MPP7: variants seen among roughly 807,000 people sequenced by gnomAD.
MPP7 encodes the protein MAGUK p55 scaffold protein 7.
A neutral mutation model predicts 76.5 loss-of-function variants in MPP7; 60 were observed. The ratio of observed to expected loss-of-function variants is 0.78; its 90% CI spans 0.64 to 0.97. The LOEUF (loss-of-function observed/expected upper bound fraction) is 0.97, where lower values mean the gene tolerates loss of function less well. Among genes scored for constraint, MPP7 ranks in the 50% least tolerant of loss-of-function variants. MPP7 has a pLI of 0.00. For synonymous variants in MPP7, 237 were observed against 244.5 expected (o/e 0.97, Z 0.29); for missense variants, 641 against 694.0 (o/e 0.92, Z 0.86).
intron 12 of MPP7, among the ~76,000 whole-genome samples, chr10:28,073,938 TAGAGGATCAGGGTTCC>T (rs1852362364): frequency 6.6e-6 from 1 of 152,060 alleles, no homozygotes; most frequent in South Asian, 2.1e-4. Flanking sequence ...CCCCTGATCC[TAGAGGATCAGGGTTCC>T]CACTTTCATG....
intron 11 of MPP7, among the ~76,000 whole-genome samples, chr10:28,105,279 T>C (rs1834288024): frequency 6.6e-6 from 1 of 151,514 alleles, no homozygotes; most frequent in African/African-American, 2.4e-5. Flanking sequence ...AGAAACATAT[T>C]GTCTCATTTT....
At chr10:28,261,917 A>G (rs1376881991) in intron 1 of MPP7, among the ~76,000 whole-genome samples, 1 of 149,056 alleles carries the variant, frequency 6.7e-6, no homozygotes, top group Non-Finnish European at 1.5e-5. Flanking sequence ...TGGGAGGCCG[A>G]GGTGGGTGGA....
Position 28,053,914 on chromosome 10 carries a change from T to G in MPP7, c.*151A>C. 1.5e-6 allele frequency: 1 copy of G among 653,944 alleles called. No individual in the cohort carries two copies. The highest frequency in any genetic ancestry group is 1.9e-5 in the South Asian group (1 of 52,484). 40.5% of individuals were successfully genotyped at this position (653,944 alleles called of 1,614,324 possible). A position where few individuals can be genotyped will look rare whatever the true frequency, so the allele number is the denominator to read the frequency against. Reference sequence around the variant, plus strand: ...TAACACATGGCGTTTGAAATAAGGCTGTAAAAAGATACAAACAAAACCAGC... The same window carrying G: ...TAACACATGGCGTTTGAAATAAGGCGGTAAAAAGATACAAACAAAACCAGC... On this transcript the variant is annotated 3_prime_UTR_variant, in exon 17 of 17. Coordinates refer to ENST00000683449, the MANE Select transcript of MPP7 (RefSeq NM_001318170.2).
intron 3 of MPP7, among the ~76,000 whole-genome samples, chr10:28,201,714 C>T (rs539353841): frequency 6.6e-6 from 1 of 152,124 alleles, no homozygotes; most frequent in African/African-American, 2.4e-5. Context: ...AAAGGAACAG[C>T]TTACTAGAAT....
intron 3 of MPP7, among the ~76,000 whole-genome samples, chr10:28,194,675 A>AAAAG (rs1837522747): frequency 6.6e-6 from 1 of 152,242 alleles, no homozygotes; most frequent in Non-Finnish European, 1.5e-5. Context: ...TGGAAAAGGC[A>AAAAG]AAACTATTCA....
Position 28,054,187 on chromosome 10 carries a change from G to T in MPP7, c.1609C>A (p.His537Asn), listed in dbSNP as rs999351151. 10 of 1,601,762 alleles carry T rather than the reference G, an allele frequency of 6.2e-6. No individual in the cohort carries two copies. The highest frequency in any genetic ancestry group is 7.7e-6 in the Non-Finnish European group (9 of 1,171,160). The change falls in exon 17 of 17, where the codon CAT (histidine) becomes AAT (asparagine). Residue 537 changes from histidine (H) to asparagine (N), a missense_variant. By Grantham distance (68) the His-to-Asn change is moderately conservative. Transcript: ENST00000683449. ...SAQIMESQYG[H>N]LFDKIIINDD... ...TTTATTATAATTTTGTCAAAAAGAT[G>T]ACCATATTGACTTTCCATTATCTGT... is the stretch of plus-strand genomic sequence containing the variant.
chr10:28,283,128 A>C (rs115301162), intron 1 of MPP7, among the ~76,000 whole-genome samples: 1,744 of 152,092 alleles, frequency 0.011, 52 homozygotes, highest in African/African-American at 0.04. Context: ...TGGCCAAAAT[A>C]GGTGAAACTT....
At chr10:28,293,908 A>C (rs776871059) in intron 1 of MPP7, among the ~76,000 whole-genome samples, 1 of 152,226 alleles carries the variant, frequency 6.6e-6, no homozygotes, top group Admixed American at 6.5e-5. Flanking sequence ...AAAGTGATGG[A>C]AAGAGGGTTT....
At chr10:28,145,471 C>T (rs1348425150) in intron 5 of MPP7, among the ~76,000 whole-genome samples, 1 of 152,064 alleles carries the variant, frequency 6.6e-6, no homozygotes, top group African/African-American at 2.4e-5. Flanking sequence ...AGTTTACTCC[C>T]AGGACAAAAA....
chr10:28,328,172 T>A (rs1252951587), intron 2 of MPP7, among the ~76,000 whole-genome samples: 1 of 152,152 alleles, frequency 6.6e-6, no homozygotes, highest in African/African-American at 2.4e-5. Context: ...CTGATTTTTT[T>A]AAGAAAAAAA....
chr10:28,162,116 C>T (rs893114570), intron 3 of MPP7, among the ~76,000 whole-genome samples: 1 of 152,136 alleles, frequency 6.6e-6, no homozygotes, highest in Non-Finnish European at 1.5e-5. Context: ...CTAAATGAAG[C>T]TTTGGACTTC....
chr10:28,153,748 A>G (rs1003213965), intron 3 of MPP7, among the ~76,000 whole-genome samples: 11 of 152,146 alleles, frequency 7.2e-5, no homozygotes, highest in Non-Finnish European at 1.0e-4. Context: ...GTACCCCCCA[A>G]TGCAGTCATG....
At chr10:28,274,134 ACT>A (rs1840416791) in intron 1 of MPP7, among the ~76,000 whole-genome samples, 1 of 128,926 alleles carries the variant, frequency 7.8e-6, no homozygotes, top group South Asian at 2.4e-4. Flanking sequence ...ATGGAGTCTC[ACT>A]CTGTCACCCA....
chr10:28,119,522 C>T, intron 11 of MPP7, 129 bp downstream of exon 11: 2 of 671,790 alleles, frequency 3.0e-6, no homozygotes, highest in Non-Finnish European at 5.2e-6. Flanking sequence ...TTGTTTGTTC[C>T]TGAGAACTGA....
intron 1 of MPP7, among the ~76,000 whole-genome samples, chr10:28,256,445 G>A (rs557446191): frequency 1.1e-3 from 162 of 151,318 alleles, no homozygotes; most frequent in African/African-American, 3.8e-3. Context: ...TTTCACTGCA[G>A]ACATAATTCA....
intron 2 of MPP7, among the ~76,000 whole-genome samples, chr10:28,315,425 C>A (rs1834311912): frequency 6.6e-6 from 1 of 152,052 alleles, no homozygotes; most frequent in Admixed American, 6.6e-5. Context: ...GCAGTGTTTA[C>A]CTGAAGCAGA....
chr10:28,154,705 G>A (rs1039933449), intron 3 of MPP7, among the ~76,000 whole-genome samples: 1 of 144,778 alleles, frequency 6.9e-6, no homozygotes, highest in African/African-American at 2.6e-5. Flanking sequence ...AAGTAGCCAG[G>A]GCATTAAACA....
intron 1 of MPP7, among the ~76,000 whole-genome samples, chr10:28,253,985 G>C (rs1330867762): frequency 3.7e-5 from 4 of 109,388 alleles, no homozygotes; most frequent in Non-Finnish European, 5.1e-5. Flanking sequence ...TACAGAGAGA[G>C]AGTCTGTCTC....
At chr10:28,270,852 T>G (rs1198101843) in intron 1 of MPP7, among the ~76,000 whole-genome samples, 4 of 152,140 alleles carry the variant, frequency 2.6e-5, no homozygotes, top group Non-Finnish European at 5.9e-5. Flanking sequence ...TTCTTTGAAA[T>G]AGCGCATGTT....
Sources: gnomAD v4.1 joint callset for allele counts (sites outside exome capture counted in the v4.1 genomes callset) on GRCh38, gnomAD v4.1.1 for gene constraint, MANE v1.5 for transcripts, NCBI Gene and HGNC (gene_info 2026-07-23, HGNC 2026-07-21) for gene names.